The following SUSD3 variants were observed in gnomAD, a reference collection of about 807,000 sequenced individuals.
SUSD3 encodes the protein sushi domain-containing protein 3.
Under a neutral mutation model 20.6 loss-of-function variants are expected in SUSD3, and 18 were observed. That is an observed-to-expected ratio of 0.87 (90% CI 0.60 to 1.30). SUSD3 has a LOEUF of 1.30. Ranked by LOEUF, SUSD3 falls within the 50% of genes most tolerant of loss-of-function variation. SUSD3 has a pLI of 0.00. For missense variants in SUSD3, 306 were observed against 346.9 expected, an observed-to-expected ratio of 0.88 and a Z score of 0.94; for synonymous variants, 137 against 141.5, an observed-to-expected ratio of 0.97 and a Z score of 0.23.
Position 93,084,337 on chromosome 9 carries a change from G to C in SUSD3, c.558-200G>C, listed in dbSNP as rs1826554001. Among the ~76,000 whole-genome samples, 3 of 151,752 alleles carry C rather than the reference G, an allele frequency of 2.0e-5. No individual in the cohort carries two copies. The South Asian group carries it at 6.3e-4, about 32-fold the overall frequency. ...TAGATGAAGGACCCACTTGCCAACA[G>C]GGCCCGGCAGGGAGATGGAGTGACC... On this transcript the variant is annotated intron_variant, in intron 4 of 4. Transcript: ENST00000375472.
chr9:93,069,187 G>T, intron 1 of SUSD3: 1 of 700,946 alleles, frequency 1.4e-6, no homozygotes, highest in East Asian at 2.7e-5. Context: ...GTGTTGTGAT[G>T]AAATCTCACC....
Position 93,084,835 on chromosome 9 carries a change from A to C in SUSD3, c.*88A>C. ...TCAGCTACAACTCCACATCAACTCC[A>C]CATGCGCCCAGCTCGAGACTGATGA... On this transcript the variant is annotated 3_prime_UTR_variant, in exon 5 of 5. Coordinates refer to ENST00000375472, the MANE Select transcript of SUSD3 (RefSeq NM_145006.4). The C allele has an allele frequency of 3.4e-6, 4 of 1,192,242 alleles. No individual in the cohort carries two copies. Among genetic ancestry groups the C allele is most frequent in the African/African-American group, 1.6e-5 (1 of 63,944 alleles). 73.9% of individuals were successfully genotyped at this position (1,192,242 alleles called of 1,614,324 possible).
At chr9:93,080,302 G>C (rs941228607) in intron 4 of SUSD3, among the ~76,000 whole-genome samples, 2 of 127,206 alleles carry the variant, frequency 1.6e-5, no homozygotes, top group Non-Finnish European at 3.1e-5. Context: ...CTGGGCGACA[G>C]AGCGAGACTC....
intron 1 of SUSD3, among the ~76,000 whole-genome samples, chr9:93,073,278 G>A (rs367553005): frequency 3.7e-5 from 5 of 134,740 alleles, no homozygotes; most frequent in African/African-American, 1.4e-4. Flanking sequence ...ACGGAGTCTC[G>A]CTCTGTCGCC....
Position 93,058,794 on chromosome 9 carries a change from G to A in SUSD3, c.52G>A (p.Ala18Thr). The A allele has an allele frequency of 8.0e-7, 1 of 1,246,500 alleles. No homozygotes were observed. Among genetic ancestry groups the A allele is most frequent in the Non-Finnish European group, 1.0e-6 (1 of 995,262 alleles). The allele number at this position is 1,246,500 out of a possible 1,614,324, so 77.2% of individuals were successfully genotyped here. A position where few individuals can be genotyped will look rare whatever the true frequency, so the allele number is the denominator to read the frequency against. Residue 18 changes from alanine (A) to threonine (T), a missense_variant, in exon 1 of 5, where the codon GCC becomes ACC. Coordinates refer to ENST00000375472, the MANE Select transcript of SUSD3 (RefSeq NM_145006.4). ...TGGCAAGGCGAGGCCCCGGGGGCGG[G>A]CCGGGGTCACCACGCCTGCCCCAGG... The part of the protein sequence containing the change: ...LRGKARPRGR[A>T]GVTTPAPGNR...
intron 1 of SUSD3, among the ~76,000 whole-genome samples, chr9:93,070,781 G>A (rs2118947109): frequency 6.6e-6 from 1 of 152,340 alleles, no homozygotes; most frequent in African/African-American, 2.4e-5. Flanking sequence ...GGTGGACTAG[G>A]AGCCCCACAG....
chr9:93,069,843 G>A lies in SUSD3; in HGVS notation c.89-5941G>A, dbSNP rs144874813. 9.6e-3 allele frequency among the ~76,000 whole-genome samples: 1,456 copies of A among 151,428 alleles called. 22 individuals are homozygous for A. Among genetic ancestry groups the A allele is most frequent in the African/African-American group, 0.034 (1,380 of 41,192 alleles). On this transcript the variant is annotated intron_variant, in intron 1 of 4. Transcript: ENST00000375472. ...TGCCCAGGCTGGAGTGCAGTGGTACGATTTTGGCTCACTGCAACCTCTGCT... is the reference window on the plus strand; with the variant it reads ...TGCCCAGGCTGGAGTGCAGTGGTACAATTTTGGCTCACTGCAACCTCTGCT...
chr9:93,062,129 A>G (rs1053437543), intron 1 of SUSD3, among the ~76,000 whole-genome samples: 1 of 152,204 alleles, frequency 6.6e-6, no homozygotes, highest in African/African-American at 2.4e-5. Flanking sequence ...CCCTCCGTAC[A>G]TAAGGCCAGG....
At position 93,085,000 on chromosome 9, in the gene SUSD3, A is replaced by C. The variant is rs367771329; in HGVS notation, c.*253A>C. 1.3e-4 allele frequency: 48 copies of C among 372,040 alleles called. No individual in the cohort carries two copies. The South Asian group carries it at 1.5e-3, about 11-fold the overall frequency. The allele number at this position is 372,040 out of a possible 1,614,324, so 23.0% of individuals were successfully genotyped here. ...TAGTTATGGACTACTTGAAACCACT[A>C]CTGAGGGTAATTTACTAGCTGTGGC... On this transcript the variant is annotated 3_prime_UTR_variant, in exon 5 of 5. Transcript: ENST00000375472.
At chr9:93,074,539 G>A (rs1826048064) in intron 1 of SUSD3, among the ~76,000 whole-genome samples, 1 of 151,196 alleles carries the variant, frequency 6.6e-6, no homozygotes, top group South Asian at 2.1e-4. Flanking sequence ...TGCTGGAGGC[G>A]TGGGTTGTTT....
intron 1 of SUSD3, among the ~76,000 whole-genome samples, chr9:93,061,779 G>T (rs1440320605): frequency 3.3e-5 from 5 of 152,194 alleles, no homozygotes; most frequent in East Asian, 1.9e-4. Flanking sequence ...CCTCCTGAAG[G>T]TTCCTGTTTC....
Position 93,075,859 on chromosome 9 carries a change from C to A in SUSD3, c.164C>A (p.Thr55Asn), listed in dbSNP as rs770975398. 1 of 1,613,060 alleles carries A rather than the reference C, an allele frequency of 6.2e-7. No individual in the cohort carries two copies. The highest frequency in any genetic ancestry group is 1.7e-5 in the Admixed American group (1 of 59,840). The change falls in exon 2 of 5, where the codon ACC becomes AAC. Residue 55 changes from threonine (T) to asparagine (N), a missense_variant. By Grantham distance (65) the Thr-to-Asn change is moderately conservative (BLOSUM62 0). Coordinates refer to ENST00000375472, the MANE Select transcript of SUSD3 (RefSeq NM_145006.4). ...CGTGGCAATGGTGCTTCCGTGGGGA[C>A]CGTGCTCATGTTCCGCTGCCCCTCC... ...VLRGNGASVGTVLMFRCPSNH... is the reference protein window; with the variant it reads ...VLRGNGASVGNVLMFRCPSNH...
At chr9:93,075,749 C>CCA (rs1554748847) in intron 1 of SUSD3, 35 bp from the exon 2 acceptor site, 1 of 215,698 alleles carries the variant, frequency 4.6e-6, no homozygotes, top group South Asian at 4.7e-5. Flanking sequence ...CACCCCCCCC[C>CCA]CCCCGCCATG....
In SUSD3 at chr9:93,084,687, G is replaced by A. The variant is rs1479994894; in HGVS notation, c.708G>A (p.Leu236=). The A allele has an allele frequency of 6.2e-7, 1 of 1,603,850 alleles. No individual in the cohort carries two copies. Among genetic ancestry groups the A allele is most frequent in the Non-Finnish European group, 8.5e-7 (1 of 1,175,052 alleles). The change falls in exon 5 of 5, where the codon CTG becomes CTA. Residue 236 remains leucine (L), a synonymous_variant. Coordinates refer to ENST00000375472, the MANE Select transcript of SUSD3 (RefSeq NM_145006.4). ...MVHMANPRQP[L]PASGLATGMP... The stretch of plus-strand genomic sequence containing the variant: ...ACATGGCAAACCCCAGACAGCCCCT[G>A]CCTGCCTCTGGGCTGGCCACAGGAA...
At chr9:93,075,740 A>ACCCCCCCCCCCCCCCCCCCCCCCCCCC in intron 1 of SUSD3, 44 bp from the exon 2 acceptor site, 2 of 146,806 alleles carry the variant, frequency 1.4e-5, no homozygotes, top group South Asian at 3.8e-5. Flanking sequence ...CTGCGTGCCC[A>ACCCCCCCCCCCCCCCCCCCCCCCCCCC]CCCCCCCCCC....
chr9:93,078,089 C>T, intron 3 of SUSD3, 96 bp downstream of exon 3: 1 of 1,544,002 alleles, frequency 6.5e-7, no homozygotes, highest in South Asian at 1.2e-5. Context: ...AACCCCGGCA[C>T]TGCCCTCAGG....
At chr9:93,071,999 G>T (rs1356507384) in intron 1 of SUSD3, among the ~76,000 whole-genome samples, 1 of 152,126 alleles carries the variant, frequency 6.6e-6, no homozygotes, top group African/African-American at 2.4e-5. Context: ...GTGACCTTGG[G>T]CATGCCATTG....
intron 1 of SUSD3, 101 bp from the exon 2 acceptor site, chr9:93,075,683 C>T: frequency 2.4e-6 from 2 of 848,104 alleles, no homozygotes; most frequent in Non-Finnish European, 3.7e-6. Flanking sequence ...CCTGTGCTCC[C>T]CAATGCTGTG....
chr9:93,078,364 T>A (rs925118532), intron 3 of SUSD3, among the ~76,000 whole-genome samples: 7 of 152,176 alleles, frequency 4.6e-5, no homozygotes, highest in African/African-American at 1.7e-4. Flanking sequence ...GTTAAAGCAA[T>A]TCTCCTGCCT....
Sources: allele counts gnomAD v4.1 joint callset (sites outside exome capture counted in the v4.1 genomes callset), GRCh38; gene constraint gnomAD v4.1.1; transcripts MANE v1.5; gene names NCBI Gene and HGNC (gene_info 2026-07-23, HGNC 2026-07-21).